ENTREP2: variants seen among roughly 807,000 people sequenced by gnomAD.
ENTREP2 encodes endosomal transmembrane epsin interactor 2.
the ENTREP2 span, among the ~76,000 whole-genome samples, chr15:29,169,209 G>A: frequency 2.6e-3 from 398 of 152,246 alleles, 3 homozygotes; most frequent in African/African-American, 9.2e-3. Flanking sequence ...TGATCCTAAT[G>A]AGCCTCTAGC....
At chr15:29,402,885 C>T in the ENTREP2 span, among the ~76,000 whole-genome samples, 2 of 152,176 alleles carry the variant, frequency 1.3e-5, no homozygotes, top group African/African-American at 4.8e-5. Flanking sequence ...GGTTCTGCCT[C>T]CTAAGTGAGG....
chr15:29,193,766 A>G, the ENTREP2 span, among the ~76,000 whole-genome samples: 1 of 152,254 alleles, frequency 6.6e-6, no homozygotes, highest in African/African-American at 2.4e-5. Context: ...AATCTGCAAA[A>G]GAGCTACCAG....
chr15:29,587,254 C>T, the ENTREP2 span, among the ~76,000 whole-genome samples: 1 of 151,210 alleles, frequency 6.6e-6, no homozygotes, highest in Non-Finnish European at 1.5e-5. Context: ...ATGAACATCC[C>T]AAGGGCCCCA....
the ENTREP2 span, among the ~76,000 whole-genome samples, chr15:29,622,747 C>G: frequency 6.6e-6 from 1 of 152,240 alleles, no homozygotes; most frequent in Admixed American, 6.5e-5. Context: ...TACTTAAACC[C>G]CGGCATGTGT....
chr15:29,152,412 C>G, the ENTREP2 span, among the ~76,000 whole-genome samples: 1 of 152,188 alleles, frequency 6.6e-6, no homozygotes, highest in African/African-American at 2.4e-5. Context: ...ACTCACCTCC[C>G]TTTCCCTGCT....
chr15:29,323,852 A>C, the ENTREP2 span, among the ~76,000 whole-genome samples: 1 of 152,130 alleles, frequency 6.6e-6, no homozygotes, highest in Non-Finnish European at 1.5e-5. Context: ...CAGTTTGAGA[A>C]ATTTTTTCCC....
At chr15:29,224,974 A>G in the ENTREP2 span, among the ~76,000 whole-genome samples, 1 of 152,176 alleles carries the variant, frequency 6.6e-6, no homozygotes, top group Non-Finnish European at 1.5e-5. Context: ...GAAACTGAGC[A>G]CAGCAGCTAC....
chr15:29,133,261 A>T, the ENTREP2 span, among the ~76,000 whole-genome samples: 3 of 151,928 alleles, frequency 2.0e-5, no homozygotes, highest in Admixed American at 1.3e-4. Flanking sequence ...TCTCCTCTTT[A>T]CCAAACATCC....
chr15:29,363,049 A>C, the ENTREP2 span, among the ~76,000 whole-genome samples: 1 of 152,176 alleles, frequency 6.6e-6, no homozygotes, highest in Non-Finnish European at 1.5e-5. Context: ...GCACAGCAAA[A>C]TTCTGCATTG....
the ENTREP2 span, among the ~76,000 whole-genome samples, chr15:29,124,155 G>C: frequency 6.6e-6 from 1 of 152,194 alleles, no homozygotes; most frequent in South Asian, 2.1e-4. Flanking sequence ...CCAGGCCAGA[G>C]GCTGGGGACC....
the ENTREP2 span, among the ~76,000 whole-genome samples, chr15:29,392,035 A>G: frequency 5.3e-5 from 8 of 151,970 alleles, no homozygotes; most frequent in African/African-American, 1.9e-4. Flanking sequence ...TCACTGTGTT[A>G]GCCAGGATGG....
At chr15:29,404,341 C>T in the ENTREP2 span, among the ~76,000 whole-genome samples, 1 of 151,942 alleles carries the variant, frequency 6.6e-6, no homozygotes, top group Admixed American at 6.6e-5. Context: ...GAAGGGAACC[C>T]CCCCATCTGA....
At chr15:29,418,754 A>G in the ENTREP2 span, among the ~76,000 whole-genome samples, 1 of 152,156 alleles carries the variant, frequency 6.6e-6, no homozygotes, top group Admixed American at 6.5e-5. Context: ...CCAAGAAGGG[A>G]GCTAAACTCT....
chr15:29,441,624 G>A, the ENTREP2 span, among the ~76,000 whole-genome samples: 2 of 152,140 alleles, frequency 1.3e-5, no homozygotes, highest in Non-Finnish European at 2.9e-5. Flanking sequence ...TATGCATATA[G>A]ACGATATTTT....
At chr15:29,307,904 G>A in the ENTREP2 span, among the ~76,000 whole-genome samples, 1 of 152,080 alleles carries the variant, frequency 6.6e-6, no homozygotes, top group Non-Finnish European at 1.5e-5. Context: ...AATCCACCCA[G>A]TTTACATTAT....
chr15:29,287,627 G>T, the ENTREP2 span, among the ~76,000 whole-genome samples: 3 of 152,106 alleles, frequency 2.0e-5, no homozygotes, highest in African/African-American at 7.2e-5. Context: ...GATAAATTAC[G>T]TGAGACCCAA....
chr15:29,361,119 C>T, the ENTREP2 span, among the ~76,000 whole-genome samples: 1 of 152,206 alleles, frequency 6.6e-6, no homozygotes, highest in Non-Finnish European at 1.5e-5. Flanking sequence ...GATCTACCCG[C>T]CCAAACTCCA....
At chr15:29,196,228 C>CA in the ENTREP2 span, among the ~76,000 whole-genome samples, 2 of 152,146 alleles carry the variant, frequency 1.3e-5, no homozygotes, top group Non-Finnish European at 2.9e-5. Context: ...GGCAAAAATG[C>CA]AAAGTGAGAT....
At chr15:29,286,922 T>G in the ENTREP2 span, among the ~76,000 whole-genome samples, 1 of 152,210 alleles carries the variant, frequency 6.6e-6, no homozygotes, top group Non-Finnish European at 1.5e-5. Context: ...ATTATGTTTT[T>G]GTTTAGAAGT....
Sources: allele counts gnomAD v4.1 joint callset (sites outside exome capture counted in the v4.1 genomes callset), GRCh38; gene constraint gnomAD v4.1.1; transcripts MANE v1.5; gene names NCBI Gene and HGNC (gene_info 2026-07-23, HGNC 2026-07-21).